PDE8B: variants seen among roughly 807,000 people sequenced by gnomAD.
The protein encoded by PDE8B is high affinity cAMP-specific and IBMX-insensitive 3',5'-cyclic phosphodiesterase 8B.
PDE8B carries 26 observed loss-of-function variants against 101.3 expected under a neutral mutation model. The observed-to-expected ratio is 0.26, with a 90% CI of 0.19 to 0.36. The LOEUF is 0.36. Among genes scored for constraint, PDE8B ranks in the 10% least tolerant of loss-of-function variants. The probability of loss-of-function intolerance (pLI) is 1.00; values close to 1 mark genes in which losing one functional copy is unlikely to be tolerated. For synonymous variants in PDE8B, 424 were observed against 429.3 expected (o/e 0.99, Z 0.15); for missense variants, 810 against 1,163.1 (o/e 0.70, Z 4.42).
rs1581560270 is a variant in PDE8B at position 77,411,618 on chromosome 5, A to T, written c.1531-58A>T. ...ATCTCTTTCACTAATAATAAAAAAA[A>T]AAAGAGAATGATAATAGATATAAAG... On this transcript the variant is annotated intron_variant, in intron 14 of 21. Transcript: ENST00000264917. 9 of 1,402,072 alleles carry T rather than the reference A, an allele frequency of 6.4e-6. No individual in the cohort carries two copies. The South Asian group carries it at 8.3e-5, about 13-fold the overall frequency. 86.9% of individuals were successfully genotyped at this position (1,402,072 alleles called of 1,614,324 possible).
chr5:77,329,111 T>G, intron 4 of PDE8B, 54 bp downstream of exon 4: 2 of 1,417,956 alleles, frequency 1.4e-6, no homozygotes, highest in South Asian at 2.3e-5. Context: ...TCTGAAATAT[T>G]TGTCAGATGT....
chr5:77,206,605 G>A (rs1422290059), upstream of PDE8B, among the ~76,000 whole-genome samples: 1 of 152,192 alleles, frequency 6.6e-6, no homozygotes, highest in Admixed American at 6.5e-5. Flanking sequence ...GGCTGGTGCG[G>A]CTGGAGCAGT....
the PDE8B span, among the ~76,000 whole-genome samples, chr5:77,202,829 G>A: frequency 6.6e-6 from 1 of 152,122 alleles, no homozygotes; most frequent in Non-Finnish European, 1.5e-5. Flanking sequence ...TGTGAAAGTG[G>A]CCTCAAGTGA....
At chr5:77,108,758 T>C in the PDE8B span, among the ~76,000 whole-genome samples, 1 of 113,626 alleles carries the variant, frequency 8.8e-6, no homozygotes, top group Non-Finnish European at 1.9e-5. Context: ...TAATATGTTA[T>C]TTTTATTTTT....
chr5:77,098,270 AC>A, the PDE8B span, among the ~76,000 whole-genome samples: 1 of 146,522 alleles, frequency 6.8e-6, no homozygotes, highest in African/African-American at 2.5e-5. Context: ...GCTTTTTCAG[AC>A]CCACCTTCCT....
At chr5:77,185,215 T>C in the PDE8B span, among the ~76,000 whole-genome samples, 1 of 152,250 alleles carries the variant, frequency 6.6e-6, no homozygotes, top group Non-Finnish European at 1.5e-5. Context: ...GCACTCTGTA[T>C]TAGTTTGCTA....
the PDE8B span, among the ~76,000 whole-genome samples, chr5:77,122,608 A>G: frequency 6.6e-6 from 1 of 152,172 alleles, no homozygotes; most frequent in Non-Finnish European, 1.5e-5. Context: ...TCCTGGACCA[A>G]TGTTGCTAGA....
At chr5:77,110,720 A>G in the PDE8B span, among the ~76,000 whole-genome samples, 2,539 of 152,308 alleles carry the variant, frequency 0.017, 76 homozygotes, top group African/African-American at 0.056. Flanking sequence ...AGCAGTTTCA[A>G]GTAATGCAGT....
the PDE8B span, among the ~76,000 whole-genome samples, chr5:77,151,054 T>C: frequency 6.6e-6 from 1 of 152,258 alleles, no homozygotes; most frequent in Non-Finnish European, 1.5e-5. Context: ...TGTTCATCAA[T>C]GCTGTTTTCT....
chr5:77,097,693 C>CTATATATATCTA, the PDE8B span, among the ~76,000 whole-genome samples: 971 of 29,992 alleles, frequency 0.032, 38 homozygotes, highest in African/African-American at 0.098. Context: ...TTTTATATAT[C>CTATATATATCTA]TATATATATA....
intron 13 of PDE8B, 136 bp from the exon 14 acceptor site, chr5:77,408,757 C>T (rs1017960709): frequency 3.0e-5 from 22 of 739,466 alleles, no homozygotes; most frequent in Admixed American, 2.5e-4. Context: ...GGAAGAAGGG[C>T]GGTGCCGTGA....
chr5:77,316,878 A>G (rs1408400770), intron 2 of PDE8B, among the ~76,000 whole-genome samples: 1 of 152,198 alleles, frequency 6.6e-6, no homozygotes, highest in Non-Finnish European at 1.5e-5. Context: ...TTGGCTCCAA[A>G]TAACAGCAGA....
chr5:77,329,924 G>T (rs6862335), intron 4 of PDE8B, among the ~76,000 whole-genome samples: 4,817 of 152,250 alleles, frequency 0.032, 243 homozygotes, highest in African/African-American at 0.11. Flanking sequence ...AATCATGGCT[G>T]CAAAGTCTTA....
chr5:77,378,049 C>CAT lies in PDE8B; in HGVS notation c.1168-22199_1168-22198insAT, dbSNP rs1554093056. Among the ~76,000 whole-genome samples the CAT allele has an allele frequency of 3.2e-3, 481 of 148,472 alleles. 13 individuals are homozygous for CAT. Among genetic ancestry groups the CAT allele is most frequent in the African/African-American group, 0.011 (445 of 39,740 alleles). On this transcript the variant is annotated intron_variant, in intron 10 of 21. Coordinates refer to ENST00000264917, the MANE Select transcript of PDE8B (RefSeq NM_003719.5). ...ACACACACACACACACACACACACA[C>CAT]CCCCTGTTGGTTCTTTGTCTAGAGA...
chr5:77,102,313 G>A, the PDE8B span, among the ~76,000 whole-genome samples: 1 of 152,158 alleles, frequency 6.6e-6, no homozygotes, highest in Non-Finnish European at 1.5e-5. Flanking sequence ...TGTTAGGAAA[G>A]AGTCCAGATC....
rs574436437 is a variant in PDE8B at position 77,216,373 on chromosome 5, A to G, written c.339+5109A>G. On this transcript the variant is annotated intron_variant, in intron 1 of 21. Transcript: ENST00000264917. ...ATGTGGCTGGGGAGGCCTCACAATC[A>G]TGGCCAAAGGCGAAAGGCATGTCTT... Among the ~76,000 whole-genome samples, 274 of 152,348 alleles carry G rather than the reference A, an allele frequency of 1.8e-3. 1 individual carries two copies. Among genetic ancestry groups the G allele is most frequent in the Admixed American group, 7.0e-3 (107 of 15,306 alleles).
chr5:77,291,515 C>A, intron 1 of PDE8B: 1 of 1,607,718 alleles, frequency 6.2e-7, no homozygotes, highest in South Asian at 1.1e-5. Context: ...AAGAAGAGGT[C>A]TTTGCATGGA....
chr5:77,337,395 G>A (rs1778396869), intron 6 of PDE8B, 80 bp downstream of exon 6: 1 of 784,650 alleles, frequency 1.3e-6, no homozygotes, highest in Admixed American at 2.0e-5. Flanking sequence ...GATGTTCAGG[G>A]GTTCATAGCT....
At chr5:77,288,228 T>G (rs1380561761) in intron 1 of PDE8B, among the ~76,000 whole-genome samples, 2 of 152,130 alleles carry the variant, frequency 1.3e-5, no homozygotes, top group Non-Finnish European at 2.9e-5. Flanking sequence ...CCTAACATGT[T>G]TGCCAAGGTC....
Sources: gnomAD v4.1 joint callset for allele counts (sites outside exome capture counted in the v4.1 genomes callset) on GRCh38, gnomAD v4.1.1 for gene constraint, MANE v1.5 for transcripts, NCBI Gene and HGNC (gene_info 2026-07-23, HGNC 2026-07-21) for gene names.